The following CHD9 variants were observed in gnomAD, a reference collection of about 807,000 sequenced individuals.
The protein encoded by CHD9 is chromodomain helicase DNA binding protein 9, also known as ATP-dependent chromatin remodeler CHD9.
CHD9 carries 77 observed loss-of-function variants against 316.1 expected under a neutral mutation model. The ratio of observed to expected loss-of-function variants is 0.24; its 90% CI spans 0.20 to 0.29. The LOEUF (loss-of-function observed/expected upper bound fraction) is 0.29. Among genes scored for constraint, CHD9 ranks in the 10% least tolerant of loss-of-function variants. CHD9 has a pLI of 1.00. For missense variants in CHD9, 2,763 were observed against 3,438.1 expected (o/e 0.80, Z 4.91); for synonymous variants, 1,129 against 1,158.3 (o/e 0.97, Z 0.51).
chr16:53,291,787 G>A lies in CHD9; in HGVS notation c.5290+20G>A. On this transcript the variant is annotated intron_variant, in intron 28 of 38. Transcript: ENST00000447540. ...ATGGAGGTAAATTGCACGTACTTCT[G>A]TACTTAGTATTATTGTAAATTCACA... 2 of 1,417,722 alleles carry A rather than the reference G, an allele frequency of 1.4e-6. No homozygotes were observed. The highest frequency in any genetic ancestry group is 1.9e-6 in the Non-Finnish European group (2 of 1,041,780). The allele number at this position is 1,417,722 out of a possible 1,614,324, so 87.8% of individuals were successfully genotyped here.
At chr16:53,165,437 A>G (rs1183348453) in intron 2 of CHD9, among the ~76,000 whole-genome samples, 1 of 152,218 alleles carries the variant, frequency 6.6e-6, no homozygotes, top group African/African-American at 2.4e-5. Context: ...GCAAGACTCA[A>G]AAACTTTAAT....
intron 1 of CHD9, among the ~76,000 whole-genome samples, chr16:53,064,626 G>A (rs907447459): frequency 9.2e-5 from 14 of 152,092 alleles, no homozygotes; most frequent in Middle Eastern, 3.2e-3. Flanking sequence ...TGAAAGGGGC[G>A]GACTAACCAA....
chr16:53,313,225 A>G (rs2056612156), intron 34 of CHD9, among the ~76,000 whole-genome samples: 1 of 119,914 alleles, frequency 8.3e-6, no homozygotes. Flanking sequence ...TGGACTAGGG[A>G]AATCCAAGAA....
Position 53,209,750 on chromosome 16 carries a change from C to T in CHD9, c.1721C>T (p.Pro574Leu). ...AAAGGTAGAAGGATGAAATCCAAGC[C>T]AAAGGACAAAGACAGCAAAAAAACA... The part of the protein sequence containing the change: ...EKKGRRMKSK[P>L]KDKDSKKTKT... The change falls in exon 3 of 39, where the codon CCA (proline) becomes CTA (leucine). Residue 574 changes from proline to leucine, a missense_variant. Around this residue, in one of 15 missense-constraint regions of CHD9, gnomAD observed 859 missense variants for 890.4 expected, o/e 0.96. Coordinates refer to ENST00000447540, the MANE Select transcript of CHD9 (RefSeq NM_001308319.2). 2 of 1,612,908 alleles carry T rather than the reference C, an allele frequency of 1.2e-6. No individual in the cohort carries two copies. Among genetic ancestry groups the T allele is most frequent in the Non-Finnish European group, 1.7e-6 (2 of 1,179,448 alleles).
chr16:53,067,011 T>G (rs1418945525), intron 1 of CHD9, among the ~76,000 whole-genome samples: 2 of 152,208 alleles, frequency 1.3e-5, no homozygotes, highest in Non-Finnish European at 2.9e-5. Flanking sequence ...GGTGCGATCT[T>G]GGCTCACTGC....
intron 2 of CHD9, 126 bp downstream of exon 2, chr16:53,157,667 A>G: frequency 2.4e-6 from 2 of 844,482 alleles, no homozygotes; most frequent in Non-Finnish European, 3.7e-6. Context: ...GTGAACATAC[A>G]TATTTTGATA....
intron 2 of CHD9, chr16:53,169,307 A>C (rs947116855): frequency 6.6e-6 from 1 of 152,084 alleles, no homozygotes; most frequent in East Asian, 1.9e-4. Context: ...CAGCCCTCCC[A>C]CCTTGACCTC....
chr16:53,063,038 A>G (rs2152499951), intron 1 of CHD9, among the ~76,000 whole-genome samples: 1 of 152,250 alleles, frequency 6.6e-6, no homozygotes, highest in South Asian at 2.1e-4. Flanking sequence ...TAAAATAAAA[A>G]ATAAAAGAAT....
chr16:53,178,563 G>A (rs996322945), intron 2 of CHD9, among the ~76,000 whole-genome samples: 4 of 150,372 alleles, frequency 2.7e-5, no homozygotes, highest in African/African-American at 9.8e-5. Flanking sequence ...TGATCTTCCT[G>A]CCTCAGCCTC....
At chr16:53,296,651 T>C (rs899755124) in intron 29 of CHD9, among the ~76,000 whole-genome samples, 1 of 151,938 alleles carries the variant, frequency 6.6e-6, no homozygotes, top group Non-Finnish European at 1.5e-5. Flanking sequence ...TTCACCATGT[T>C]AGCCAGTATG....
rs150086324 is a variant in CHD9, at chr16:53,306,015, A to G, written c.6620-222A>G. 4.6e-5 allele frequency among the ~76,000 whole-genome samples: 7 copies of G among 152,288 alleles called. No homozygotes were observed. In the East Asian group the frequency reaches 7.7e-4, roughly 17 times the overall value. On this transcript the variant is annotated intron_variant, in intron 31 of 38. Coordinates refer to ENST00000447540, the MANE Select transcript of CHD9 (RefSeq NM_001308319.2). ...TGAGGCAGGAGTATTGCTTGAGCCC[A>G]GGAGTTCTGTCCAGGCTGTGCAACA...
At chr16:53,265,765 T>C (rs1342664703) in intron 20 of CHD9, among the ~76,000 whole-genome samples, 1 of 151,974 alleles carries the variant, frequency 6.6e-6, no homozygotes, top group Non-Finnish European at 1.5e-5. Flanking sequence ...AAGGAAGTGA[T>C]TGGCATATTT....
intron 2 of CHD9, among the ~76,000 whole-genome samples, chr16:53,193,009 G>A (rs1652209084): frequency 6.6e-6 from 1 of 150,706 alleles, no homozygotes; most frequent in Non-Finnish European, 1.5e-5. Flanking sequence ...ATTGCTGAGG[G>A]TCATATGTTG....
At chr16:53,171,589 T>C (rs62048025) in intron 2 of CHD9, among the ~76,000 whole-genome samples, 47,202 of 151,610 alleles carry the variant, frequency 0.31, 7,490 homozygotes, top group Middle Eastern at 0.39. Context: ...GTGGCTCATG[T>C]TTATAATACT....
At chr16:53,145,159 T>C (rs925636308) in intron 1 of CHD9, among the ~76,000 whole-genome samples, 54 of 151,702 alleles carry the variant, frequency 3.6e-4, no homozygotes, top group Middle Eastern at 3.4e-3. Flanking sequence ...CCCAGCACTT[T>C]TTTTTTTTTG....
At chr16:53,256,004 A>C (rs565798574) in intron 19 of CHD9, among the ~76,000 whole-genome samples, 1 of 152,342 alleles carries the variant, frequency 6.6e-6, no homozygotes, top group Admixed American at 6.5e-5. Context: ...AATGGTTCTA[A>C]ATGTTAGAGT....
intron 1 of CHD9, among the ~76,000 whole-genome samples, chr16:53,093,344 G>T (rs1009621057): frequency 6.6e-6 from 1 of 152,190 alleles, no homozygotes; most frequent in African/African-American, 2.4e-5. Flanking sequence ...TTGGGTTGTT[G>T]TAAAGCTTAG....
chr16:53,260,621 A>T lies in CHD9; in HGVS notation c.4210-2366A>T, dbSNP rs77671580. On this transcript the variant is annotated intron_variant, in intron 19 of 38. Coordinates refer to ENST00000447540, the MANE Select transcript of CHD9 (RefSeq NM_001308319.2). ...TAAGACAACACAAACTTTTTCTCTT[A>T]TAGTTCTAGGTGTCAGAAGTCTAAC... Among the ~76,000 whole-genome samples the T allele has an allele frequency of 2.7e-3, 414 of 152,296 alleles. 13 individuals are homozygous for T. In the East Asian group the frequency reaches 0.067, roughly 25 times the overall value.
intron 37 of CHD9, chr16:53,320,050 C>T: frequency 4.8e-6 from 1 of 207,630 alleles, no homozygotes; most frequent in Non-Finnish European, 8.5e-6. Flanking sequence ...GTGGTGCACA[C>T]CTGTAGTCCT....
Sources: allele counts gnomAD v4.1 joint callset (sites outside exome capture counted in the v4.1 genomes callset), GRCh38; gene constraint gnomAD v4.1.1; regional missense constraint gnomAD v4.1.1; transcripts MANE v1.5; gene names NCBI Gene and HGNC (gene_info 2026-07-23, HGNC 2026-07-21).